Variants in SUGP2 observed in about 807,000 individuals in gnomAD.
SUGP2 encodes SURP and G-patch domain-containing protein 2.
SUGP2 carries 24 observed loss-of-function variants against 90.5 expected under a neutral mutation model. The ratio of observed to expected loss-of-function variants is 0.27; its 90% CI spans 0.19 to 0.37. The LOEUF is 0.37. SUGP2 is among the 10% of genes least tolerant of loss of function. The pLI is 1.00. For missense variants in SUGP2, 1,233 were observed against 1,363.3 expected, an observed-to-expected ratio of 0.90 and a Z score of 1.51; for synonymous variants, 473 against 513.4, an observed-to-expected ratio of 0.92 and a Z score of 1.06.
intron 1 of SUGP2, among the ~76,000 whole-genome samples, chr19:19,031,908 C>T (rs1599600985): frequency 6.7e-6 from 1 of 150,114 alleles, no homozygotes; most frequent in Admixed American, 6.7e-5. Context: ...AAGCAATCTG[C>T]CCACCTTGTC....
rs375443562 is a variant in SUGP2 at position 19,024,842 on chromosome 19, G to T, written c.1506C>A (p.Val502=). The T allele has an allele frequency of 6.2e-7, 1 of 1,614,166 alleles. No individual in the cohort carries two copies. Among genetic ancestry groups the T allele is most frequent in the Non-Finnish European group, 8.5e-7 (1 of 1,180,042 alleles). ...GTGAGGGAGCTATATCTTGCAGGCC[G>T]ACAGCTTCTAAGATTTTCTCCTGCC... ...SFRQEKILEA[V]GLQDIAPSPA... Residue 502 remains valine (V), a synonymous_variant, in exon 3 of 11, where the codon GTC becomes GTA. Transcript: ENST00000452918.
At chr19:19,002,446 T>TAG (rs966882259) in intron 7 of SUGP2, among the ~76,000 whole-genome samples, 1 of 150,396 alleles carries the variant, frequency 6.6e-6, no homozygotes, top group African/African-American at 2.4e-5. Context: ...GCTTCTCATA[T>TAG]AGAGAACCAC....
intron 8 of SUGP2, among the ~76,000 whole-genome samples, chr19:18,996,557 G>GTT (rs746523597): frequency 1.4e-5 from 2 of 145,830 alleles, no homozygotes; most frequent in South Asian, 2.2e-4. Context: ...AGCTTTTGAT[G>GTT]TTTTTTTTTT....
chr19:19,017,484 A>G (rs1342960710), intron 4 of SUGP2, among the ~76,000 whole-genome samples: 2 of 152,252 alleles, frequency 1.3e-5, no homozygotes, highest in Non-Finnish European at 2.9e-5. Flanking sequence ...TCAGTGCTGC[A>G]GCTGAGGCTG....
In SUGP2 at chr19:19,004,671, G is replaced by A. The variant is rs763740861; in HGVS notation, c.2451-25C>T. 3.9e-6 allele frequency: 6 copies of A among 1,531,526 alleles called. No homozygotes were observed. The East Asian group carries it at 1.1e-4, about 29-fold the overall frequency. 94.9% of individuals were successfully genotyped at this position (1,531,526 alleles called of 1,614,324 possible). On this transcript the variant is annotated intron_variant, in intron 6 of 10. Transcript: ENST00000452918. ...CCTGGGGCACAGAGGAAATACATTGGGTAACCAGATGGAATCTCTCAACAT... is the reference window on the plus strand; with the variant it reads ...CCTGGGGCACAGAGGAAATACATTGAGTAACCAGATGGAATCTCTCAACAT...
In SUGP2 at chr19:19,009,816, A is replaced by G. The variant is rs1347976017; in HGVS notation, c.2338+39T>C. 4 of 1,558,090 alleles carry G rather than the reference A, an allele frequency of 2.6e-6. No individual in the cohort carries two copies. The Admixed American group carries it at 7.6e-5, about 30-fold the overall frequency. On this transcript the variant is annotated intron_variant, in intron 5 of 10. Transcript: ENST00000452918. The stretch of plus-strand genomic sequence containing the variant: ...AGACCCTGGAGATGGGAGAGTAGGG[A>G]CTGGGGCCCAGAGGAGGGGGACAGG...
Position 19,025,584 on chromosome 19 carries a change from A to AT in SUGP2, c.763dup (p.Ile255AsnfsTer15), listed in dbSNP as rs2058891280. On this transcript the variant is annotated frameshift_variant, in exon 3 of 11. Coordinates refer to ENST00000452918, the MANE Select transcript of SUGP2 (RefSeq NM_001017392.5). LOFTEE classifies it high-confidence loss of function. ...GGGAGTAATACGATTCACGGTGGGT[A>AT]TTTTTTTTGTGCTCACATTTCTCAA... 6.2e-7 allele frequency: 1 copy of AT among 1,613,300 alleles called. No homozygotes were observed. Among genetic ancestry groups the AT allele is most frequent in the Non-Finnish European group, 8.5e-7 (1 of 1,179,774 alleles).
intron 4 of SUGP2, among the ~76,000 whole-genome samples, chr19:19,013,936 T>C (rs2058397684): frequency 6.6e-6 from 1 of 152,216 alleles, no homozygotes. Flanking sequence ...GCCTGCCCCT[T>C]GGTGTTCCAA....
At chr19:19,005,891 AC>A (rs761115462) in intron 6 of SUGP2, among the ~76,000 whole-genome samples, 1,878 of 14,520 alleles carry the variant, frequency 0.13, 9 homozygotes, top group East Asian at 0.16. Flanking sequence ...ACACACACAC[AC>A]CACACACACA....
chr19:19,010,573 T>A (rs756395475), intron 4 of SUGP2, among the ~76,000 whole-genome samples: 38 of 152,128 alleles, frequency 2.5e-4, no homozygotes, highest in Non-Finnish European at 5.1e-4. Context: ...TTGATTTCCA[T>A]CAGCAGCAGC....
chr19:19,014,916 G>A (rs918237841), intron 4 of SUGP2, among the ~76,000 whole-genome samples: 7 of 151,996 alleles, frequency 4.6e-5, no homozygotes, highest in African/African-American at 1.7e-4. Context: ...GAGATACAGA[G>A]GTAAGCCAGG....
rs752659033 is a variant in SUGP2 at position 19,008,333 on chromosome 19, C to T, written c.2434G>A (p.Asp812Asn). 15 of 1,613,904 alleles carry T rather than the reference C, an allele frequency of 9.3e-6. No individual in the cohort carries two copies. The highest frequency in any genetic ancestry group is 3.3e-5 in the South Asian group (3 of 91,078). ...IEQFSIENST[D>N]NPDLWFLHDQ... ...GGTACGTACCACAGGTCAGGGTTAT[C>T]GGTGCTGTTTTCTATGCTGAATTGT... is the stretch of plus-strand genomic sequence containing the variant. The change falls in exon 6 of 11, where the codon GAT becomes AAT. Residue 812 changes from aspartate (D) to asparagine (N), a missense_variant. Asp to Asn is a conservative substitution (Grantham distance 23). Transcript: ENST00000452918.
intron 7 of SUGP2, 143 bp from the exon 8 acceptor site, chr19:19,001,817 C>A: frequency 1.3e-6 from 1 of 763,624 alleles, no homozygotes; most frequent in East Asian, 2.6e-5. Flanking sequence ...GCTGCTGAGC[C>A]CCAGCTCCTC....
At chr19:19,003,135 GT>G (rs1200717536) in intron 7 of SUGP2, among the ~76,000 whole-genome samples, 1 of 152,130 alleles carries the variant, frequency 6.6e-6, no homozygotes, top group Non-Finnish European at 1.5e-5. Context: ...GATGGTAAAG[GT>G]TATAGTAGAA....
At chr19:18,994,549 G>A in intron 9 of SUGP2, 63 bp from the exon 10 acceptor site, 1 of 1,593,474 alleles carries the variant, frequency 6.3e-7, no homozygotes. Context: ...GCCAGGAACT[G>A]GGCATGGGCA....
In SUGP2 at chr19:19,031,002, T is replaced by A; in HGVS notation, c.70A>T (p.Met24Leu). Residue 24 changes from methionine to leucine, a missense_variant, in exon 2 of 11, where the codon ATG becomes TTG. Physicochemically the swap from Met to Leu is conservative, Grantham distance 15. This residue lies in a region of SUGP2 where 418 missense variants were observed against 399.9 expected (regional missense o/e 1.05). Coordinates refer to ENST00000452918, the MANE Select transcript of SUGP2 (RefSeq NM_001017392.5). ...CTTACAGCCTCACCACTGGCATCCA[T>A]GTGATATCGTTTGGCTTTTTCTTGT... Reference protein sequence around the residue: ...VLQEKAKRYHMDASGEAVSET... With the variant: ...VLQEKAKRYHLDASGEAVSET... 1 of 1,613,926 alleles carries A rather than the reference T, an allele frequency of 6.2e-7. No individual in the cohort carries two copies. Among genetic ancestry groups the A allele is most frequent in the African/African-American group, 1.3e-5 (1 of 75,022 alleles).
rs141174173 is a variant in SUGP2 at position 19,025,832 on chromosome 19, G to A, written c.516C>T (p.Asp172=). 1 of 1,614,052 alleles carries A rather than the reference G, an allele frequency of 6.2e-7. No homozygotes were observed. The highest frequency in any genetic ancestry group is 1.3e-5 in the African/African-American group (1 of 74,996). The change falls in exon 3 of 11, where the codon GAC becomes GAT. Residue 172 remains aspartate, a synonymous_variant. Coordinates refer to ENST00000452918, the MANE Select transcript of SUGP2 (RefSeq NM_001017392.5). ...YSFGPSAVLG[D]FGSSRLIEKE... ...TCTCAATCAGCCTGGAAGATCCAAA[G>A]TCCCCCAAAACTGCAGAGGGACCAA...
At chr19:19,031,253 G>A (rs754058447) in intron 1 of SUGP2, 171 bp from the exon 2 acceptor site, 20 of 666,836 alleles carry the variant, frequency 3.0e-5, no homozygotes, top group Non-Finnish European at 4.7e-5. Flanking sequence ...AAAAATTCAG[G>A]CTGGGTGTGG....
In SUGP2 at chr19:19,025,817, C is replaced by T; in HGVS notation, c.531G>A (p.Arg177=). 6.2e-7 allele frequency: 1 copy of T among 1,614,094 alleles called. No individual in the cohort carries two copies. Among genetic ancestry groups the T allele is most frequent in the East Asian group, 2.2e-5 (1 of 44,882 alleles). The change falls in exon 3 of 11, where the codon AGG becomes AGA. Residue 177 remains arginine, a synonymous_variant. Transcript: ENST00000452918. The stretch of plus-strand genomic sequence containing the variant: ...TCTCCAAACACTCTTTCTCAATCAG[C>T]CTGGAAGATCCAAAGTCCCCCAAAA... ...SAVLGDFGSS[R]LIEKECLEKE... is the part of the protein sequence containing the mutation.
Sources: allele counts gnomAD v4.1 joint callset (sites outside exome capture counted in the v4.1 genomes callset), GRCh38; gene constraint gnomAD v4.1.1; regional missense constraint gnomAD v4.1.1; transcripts MANE v1.5; gene names NCBI Gene and HGNC (gene_info 2026-07-23, HGNC 2026-07-21).